The following NLGN1 variants were observed in gnomAD, a reference collection of about 807,000 sequenced individuals.
NLGN1 encodes the protein neuroligin 1, also known as neuroligin-1.
NLGN1 carries 12 observed loss-of-function variants against 65.5 expected under a neutral mutation model. That is an observed-to-expected ratio of 0.18 (90% CI 0.12 to 0.30). NLGN1 has a LOEUF of 0.30. NLGN1 is among the 10% of genes least tolerant of loss of function. NLGN1 has a pLI of 1.00. For synonymous variants in NLGN1, 350 were observed against 359.5 expected, an observed-to-expected ratio of 0.97 and a Z score of 0.30; for missense variants, 750 against 1,007.1, an observed-to-expected ratio of 0.74 and a Z score of 3.46.
chr3:173,963,706 A>T (rs1714137546), intron 4 of NLGN1, among the ~76,000 whole-genome samples: 1 of 152,240 alleles, frequency 6.6e-6, no homozygotes, highest in African/African-American at 2.4e-5. Flanking sequence ...TAAAGATTAT[A>T]TGAGGTAAAG....
chr3:174,032,686 G>A (rs9809572), intron 4 of NLGN1, among the ~76,000 whole-genome samples: 48,297 of 151,986 alleles, frequency 0.32, 8,615 homozygotes, highest in African/African-American at 0.48. Flanking sequence ...TTATGGTGAA[G>A]AACCAAGAAA....
At position 174,258,927 on chromosome 3, in the gene NLGN1, GA is replaced by G. The variant is rs555194940; in HGVS notation, c.647-16386del. ...AAGGTATTATGTTGAAGATATGGTT[GA>G]AGTTTAGACAGTAGCTCTTTCCACC... On this transcript the variant is annotated intron_variant, in intron 4 of 6. Transcript: ENST00000457714. 7.1e-4 allele frequency among the ~76,000 whole-genome samples: 108 copies of G among 152,178 alleles called. 1 individual carries two copies. The highest frequency in any genetic ancestry group is 2.6e-3 in the African/African-American group (107 of 41,550).
exon 3 of NLGN1, chr3:173,604,539 A>G (rs1751057576): frequency 1.3e-6 from 2 of 1,567,120 alleles, no homozygotes; most frequent in African/African-American, 2.7e-5. Context: ...GTCTTTCTCA[A>G]GTGGATATAA....
intron 4 of NLGN1, among the ~76,000 whole-genome samples, chr3:174,209,623 CTT>C (rs796169913): frequency 8.0e-4 from 66 of 82,068 alleles, no homozygotes; most frequent in African/African-American, 2.9e-3. Context: ...ACCTTTCTTT[CTT>C]TTTTTTTTTT....
At chr3:174,204,994 A>T (rs1735135349) in intron 4 of NLGN1, among the ~76,000 whole-genome samples, 1 of 152,198 alleles carries the variant, frequency 6.6e-6, no homozygotes, top group Non-Finnish European at 1.5e-5. Flanking sequence ...AAAACTAGTC[A>T]CATGATCACA....
At chr3:173,498,542 G>A (rs960980323) in intron 2 of NLGN1, among the ~76,000 whole-genome samples, 2 of 151,836 alleles carry the variant, frequency 1.3e-5, no homozygotes, top group African/African-American at 4.9e-5. Flanking sequence ...ATAGTAGCAT[G>A]TTTTATAATC....
At chr3:174,251,304 A>G (rs1486191158) in intron 4 of NLGN1, among the ~76,000 whole-genome samples, 1 of 152,312 alleles carries the variant, frequency 6.6e-6, no homozygotes, top group East Asian at 1.9e-4. Flanking sequence ...TTTAGGAAAA[A>G]AAGTCTAAGC....
At chr3:174,178,404 T>A (rs536195557) in intron 4 of NLGN1, among the ~76,000 whole-genome samples, 1 of 152,284 alleles carries the variant, frequency 6.6e-6, no homozygotes, top group East Asian at 1.9e-4. Context: ...GAAAGTGCCC[T>A]GCTGCAAGCA....
chr3:173,535,132 A>G (rs1737221584), intron 2 of NLGN1, among the ~76,000 whole-genome samples: 1 of 152,178 alleles, frequency 6.6e-6, no homozygotes, highest in Admixed American at 6.5e-5. Context: ...ATAAGAGTAG[A>G]AAAAAACAGA....
intron 4 of NLGN1, among the ~76,000 whole-genome samples, chr3:173,811,636 T>G (rs1717970957): frequency 6.6e-6 from 1 of 151,306 alleles, no homozygotes; most frequent in African/African-American, 2.4e-5. Flanking sequence ...GATGTGTTCT[T>G]AAAGGGGGGA....
At chr3:173,626,007 AATAC>A (rs1377580670) in intron 3 of NLGN1, among the ~76,000 whole-genome samples, 1 of 152,062 alleles carries the variant, frequency 6.6e-6, no homozygotes, top group African/African-American at 2.4e-5. Context: ...ACTATATCAT[AATAC>A]ATTCAAATGT....
chr3:173,487,020 T>G (rs1728280475), intron 2 of NLGN1, among the ~76,000 whole-genome samples: 1 of 151,838 alleles, frequency 6.6e-6, no homozygotes. Context: ...GTATGTTTCA[T>G]TAATTTCTGT....
intron 1 of NLGN1, among the ~76,000 whole-genome samples, chr3:173,398,830 A>C (rs980396566): frequency 3.3e-5 from 5 of 152,178 alleles, no homozygotes; most frequent in Admixed American, 3.3e-4. Flanking sequence ...ATTTTTGCTT[A>C]AGTCAATTGA....
chr3:173,923,815 T>C (rs949273798), intron 4 of NLGN1, among the ~76,000 whole-genome samples: 1 of 152,140 alleles, frequency 6.6e-6, no homozygotes, highest in Non-Finnish European at 1.5e-5. Flanking sequence ...AAATTGAAGG[T>C]GATGATAATT....
intron 4 of NLGN1, among the ~76,000 whole-genome samples, chr3:174,003,334 A>G (rs1418490870): frequency 1.3e-5 from 2 of 152,134 alleles, no homozygotes; most frequent in Admixed American, 1.3e-4. Context: ...ACTGAAGCAA[A>G]GTTATTAAAT....
chr3:173,949,694 A>C (rs1560705993), intron 4 of NLGN1, among the ~76,000 whole-genome samples: 1 of 152,206 alleles, frequency 6.6e-6, no homozygotes, highest in Non-Finnish European at 1.5e-5. Context: ...TATGTCAGAA[A>C]GTGAAACATG....
At chr3:174,198,211 A>G (rs920696717) in intron 4 of NLGN1, among the ~76,000 whole-genome samples, 2 of 152,170 alleles carry the variant, frequency 1.3e-5, no homozygotes, top group African/African-American at 4.8e-5. Context: ...TTTATCAGGT[A>G]TGTATTGTAG....
intron 4 of NLGN1, among the ~76,000 whole-genome samples, chr3:173,810,355 G>T (rs939402417): frequency 6.6e-6 from 1 of 152,148 alleles, no homozygotes; most frequent in Non-Finnish European, 1.5e-5. Flanking sequence ...TTGGGTGTGG[G>T]ATCCAAGACT....
intron 3 of NLGN1, among the ~76,000 whole-genome samples, chr3:173,728,225 T>G (rs554994945): frequency 3.3e-5 from 5 of 151,982 alleles, no homozygotes; most frequent in Non-Finnish European, 7.4e-5. Flanking sequence ...CTAGACTTAG[T>G]GACAAGATGT....
Sources: gnomAD v4.1 joint callset for allele counts (sites outside exome capture counted in the v4.1 genomes callset) on GRCh38, gnomAD v4.1.1 for gene constraint, MANE v1.5 for transcripts, NCBI Gene and HGNC (gene_info 2026-07-23, HGNC 2026-07-21) for gene names.